Variants in CORIN observed in about 807,000 individuals in gnomAD.
CORIN encodes corin, serine peptidase.
CORIN carries 117 observed loss-of-function variants against 125.3 expected under a neutral mutation model. The observed-to-expected ratio is 0.93, with a 90% CI of 0.80 to 1.09. The LOEUF (loss-of-function observed/expected upper bound fraction) is 1.09, where lower values mean the gene tolerates loss of function less well. Among genes scored for constraint, CORIN ranks in the 50% least tolerant of loss-of-function variants. The pLI, the probability that CORIN is intolerant of heterozygous loss-of-function variation, is 0.00. For synonymous variants in CORIN, 450 were observed against 466.4 expected, an observed-to-expected ratio of 0.96 and a Z score of 0.45; for missense variants, 1,253 against 1,306.7, an observed-to-expected ratio of 0.96 and a Z score of 0.63.
intron 19 of CORIN, among the ~76,000 whole-genome samples, chr4:47,607,298 T>C (rs1362869482): frequency 3.3e-5 from 5 of 151,744 alleles, no homozygotes; most frequent in Non-Finnish European, 7.4e-5. Context: ...GTCCCAGCTA[T>C]TTGGGAGGCT....
At chr4:47,672,768 A>G (rs1724818023) in intron 10 of CORIN, among the ~76,000 whole-genome samples, 1 of 152,078 alleles carries the variant, frequency 6.6e-6, no homozygotes, top group African/African-American at 2.4e-5. Flanking sequence ...GGCTTGACTA[A>G]TATCTACTGT....
chr4:47,687,741 G>A (rs1379399980), intron 6 of CORIN, among the ~76,000 whole-genome samples: 1 of 152,158 alleles, frequency 6.6e-6, no homozygotes, highest in South Asian at 2.1e-4. Context: ...ATATGGAAAG[G>A]ACCAGAGGTT....
intron 5 of CORIN, among the ~76,000 whole-genome samples, chr4:47,703,211 C>T (rs867586826): frequency 2.0e-5 from 3 of 152,172 alleles, no homozygotes; most frequent in African/African-American, 7.2e-5. Context: ...CCTTCACTCA[C>T]CACATAAACC....
intron 6 of CORIN, among the ~76,000 whole-genome samples, chr4:47,691,418 T>G (rs1321549651): frequency 6.6e-6 from 1 of 152,214 alleles, no homozygotes; most frequent in African/African-American, 2.4e-5. Context: ...AAAATGTTTT[T>G]ATGTAAAATT....
At chr4:47,807,403 G>C (rs1201983027) in intron 1 of CORIN, among the ~76,000 whole-genome samples, 1 of 152,180 alleles carries the variant, frequency 6.6e-6, no homozygotes, top group African/African-American at 2.4e-5. Flanking sequence ...TGACAGAAGT[G>C]AAGGCTGCCT....
At chr4:47,794,995 T>A (rs1001279472) in intron 2 of CORIN, among the ~76,000 whole-genome samples, 1 of 152,166 alleles carries the variant, frequency 6.6e-6, no homozygotes, top group African/African-American at 2.4e-5. Context: ...TCCCATTTCA[T>A]CCTTTTGGAT....
intron 5 of CORIN, among the ~76,000 whole-genome samples, chr4:47,722,148 T>C (rs1727373172): frequency 6.6e-6 from 1 of 152,242 alleles, no homozygotes; most frequent in African/African-American, 2.4e-5. Context: ...AATGTTTGCC[T>C]GTTTTCACAC....
Position 47,613,015 on chromosome 4 carries a change from T to C in CORIN, c.2541-9347A>G, listed in dbSNP as rs186376584. 8.5e-4 allele frequency among the ~76,000 whole-genome samples: 129 copies of C among 152,322 alleles called. 1 individual carries two copies. Among genetic ancestry groups the C allele is most frequent in the Middle Eastern group, 3.4e-3 (1 of 294 alleles). ...AGAATGTTTCAGGGGGAAAAAGCTATGATAATATGTCCAGAGATTCTTAAA... is the reference window on the plus strand; with the variant it reads ...AGAATGTTTCAGGGGGAAAAAGCTACGATAATATGTCCAGAGATTCTTAAA... On this transcript the variant is annotated intron_variant, in intron 19 of 21. Coordinates refer to ENST00000273857, the MANE Select transcript of CORIN (RefSeq NM_006587.4).
chr4:47,693,520 G>T (rs1463174884), intron 5 of CORIN, among the ~76,000 whole-genome samples: 2 of 152,174 alleles, frequency 1.3e-5, no homozygotes, highest in African/African-American at 2.4e-5. Flanking sequence ...CACAGAGAAA[G>T]TTCCAGTAAA....
At chr4:47,631,256 G>A (rs901306064) in intron 16 of CORIN, among the ~76,000 whole-genome samples, 5 of 152,106 alleles carry the variant, frequency 3.3e-5, no homozygotes, top group Admixed American at 6.6e-5. Flanking sequence ...CAGCCCCAGG[G>A]CCCCTGTTAG....
chr4:47,674,105 G>A (rs1724895734), intron 10 of CORIN, among the ~76,000 whole-genome samples: 3 of 152,184 alleles, frequency 2.0e-5, no homozygotes, highest in Admixed American at 2.0e-4. Flanking sequence ...TACAGATGGA[G>A]CCAAGAAAAT....
chr4:47,814,198 G>A (rs1732170634), intron 1 of CORIN, among the ~76,000 whole-genome samples: 1 of 152,128 alleles, frequency 6.6e-6, no homozygotes, highest in Non-Finnish European at 1.5e-5. Flanking sequence ...TCCTACTGGT[G>A]TGTCCTAAAC....
intron 5 of CORIN, among the ~76,000 whole-genome samples, chr4:47,724,924 T>G (rs1727518925): frequency 6.6e-6 from 1 of 152,176 alleles, no homozygotes; most frequent in East Asian, 1.9e-4. Context: ...CATTCAGAGG[T>G]GAGGGGATTA....
intron 2 of CORIN, among the ~76,000 whole-genome samples, chr4:47,799,106 G>GT (rs1731417801): frequency 1.4e-5 from 2 of 141,452 alleles, no homozygotes; most frequent in African/African-American, 5.2e-5. Context: ...TATCCCATGG[G>GT]GTGTGTGTGT....
rs114114523 is a variant in CORIN, at chr4:47,813,218, A to G, written c.64-6171T>C. ...GCTAGTATTTCATGTGATGACCAAT[A>G]AATGTCAAGTATCGCTGCATTTGCC... On this transcript the variant is annotated intron_variant, in intron 1 of 21. Transcript: ENST00000273857. 5.8e-3 allele frequency among the ~76,000 whole-genome samples: 882 copies of G among 152,348 alleles called. 8 individuals carry two copies. The highest frequency in any genetic ancestry group is 0.02 in the African/African-American group (826 of 41,570).
At chr4:47,653,466 G>T in intron 13 of CORIN, 87 bp downstream of exon 13, 2 of 1,011,088 alleles carry the variant, frequency 2.0e-6, no homozygotes, top group Non-Finnish European at 3.1e-6. Flanking sequence ...CCTACTATCA[G>T]TGAATAGTTT....
chr4:47,818,075 A>G (rs1732349527), intron 1 of CORIN, among the ~76,000 whole-genome samples: 1 of 152,238 alleles, frequency 6.6e-6, no homozygotes, highest in Non-Finnish European at 1.5e-5. Context: ...TAAAAAGGCA[A>G]TTCAAAGGCC....
At chr4:47,770,318 C>T (rs1456805891) in intron 3 of CORIN, among the ~76,000 whole-genome samples, 1 of 151,990 alleles carries the variant, frequency 6.6e-6, no homozygotes, top group Non-Finnish European at 1.5e-5. Context: ...TACCTCATAC[C>T]TGTTAGGATG....
intron 12 of CORIN, among the ~76,000 whole-genome samples, chr4:47,658,506 T>TCC (rs1724097536): frequency 6.6e-6 from 1 of 152,264 alleles, no homozygotes; most frequent in African/African-American, 2.4e-5. Context: ...GGGGACTCTG[T>TCC]GTGGGGGCTC....
Sources: allele counts gnomAD v4.1 joint callset (sites outside exome capture counted in the v4.1 genomes callset), GRCh38; gene constraint gnomAD v4.1.1; transcripts MANE v1.5; gene names NCBI Gene and HGNC (gene_info 2026-07-23, HGNC 2026-07-21).